EXO1: variants seen among roughly 807,000 people sequenced by gnomAD.
The protein encoded by EXO1 is exonuclease 1.
A neutral mutation model predicts 84.5 loss-of-function variants in EXO1; 69 were observed. The observed-to-expected ratio is 0.82, with a 90% CI of 0.67 to 1.00. EXO1 has a LOEUF of 1.00. Ranked by LOEUF, EXO1 falls within the 50% of genes least tolerant of loss-of-function variation. The pLI, the probability that EXO1 is intolerant of heterozygous loss-of-function variation, is 0.00. For synonymous variants in EXO1, 373 were observed against 366.1 expected (o/e 1.02, Z -0.21); for missense variants, 1,045 against 1,000.7 (o/e 1.04, Z -0.60).
intron 12 of EXO1, among the ~76,000 whole-genome samples, chr1:241,877,723 T>TG (rs1662477152): frequency 6.7e-6 from 1 of 150,358 alleles, no homozygotes; most frequent in South Asian, 2.1e-4. Flanking sequence ...TCATTGGAAT[T>TG]TTTTTTTAAA....
At chr1:241,860,830 A>G (rs1218548674) in intron 9 of EXO1, 126 bp downstream of exon 9, 1 of 768,202 alleles carries the variant, frequency 1.3e-6, no homozygotes, top group Non-Finnish European at 2.2e-6. Context: ...TTATAGTGAA[A>G]TCTGTATATT....
intron 14 of EXO1, among the ~76,000 whole-genome samples, chr1:241,884,142 CTG>C (rs1175547185): frequency 1.3e-5 from 2 of 152,132 alleles, no homozygotes; most frequent in African/African-American, 2.4e-5. Context: ...TTCTTGATAA[CTG>C]TCAGTTTGAT....
chr1:241,878,748 G>C lies in EXO1; in HGVS notation c.1515-1G>C. 1 of 1,599,492 alleles carries C rather than the reference G, an allele frequency of 6.3e-7. No individual in the cohort carries two copies. The highest frequency in any genetic ancestry group is 2.2e-5 in the East Asian group (1 of 44,534). ...ATTGTTTCTATTGCTTTTTTTATTA[G>C]GTTTTTTTGCAGTTCAGATTCTACT... On this transcript the variant is annotated splice_acceptor_variant, in intron 12 of 15. Transcript: ENST00000366548. LOFTEE classifies it high-confidence loss of function.
chr1:241,864,671 T>G (rs950250752), intron 10 of EXO1, among the ~76,000 whole-genome samples: 1 of 152,202 alleles, frequency 6.6e-6, no homozygotes, highest in Non-Finnish European at 1.5e-5. Flanking sequence ...CTCTTTGATA[T>G]TCTCTTCTGC....
intron 10 of EXO1, among the ~76,000 whole-genome samples, chr1:241,862,343 T>A (rs1661447343): frequency 6.6e-6 from 1 of 152,232 alleles, no homozygotes; most frequent in South Asian, 2.1e-4. Flanking sequence ...CTCTGTTCTC[T>A]TTTCTGTTTA....
Position 241,878,787 on chromosome 1 carries a change from A to G in EXO1, c.1553A>G (p.Asn518Ser), listed in dbSNP as rs1381535877. ...TCAGATTCTACTGACTGTGTATCAA[A>G]CAAAGTGAGCATCCAGCCTCTGGAT... ...CSSDSTDCVS[N>S]KVSIQPLDET... The change falls in exon 13 of 16, where the codon AAC becomes AGC. Residue 518 changes from asparagine to serine, a missense_variant. By Grantham distance (46) the Asn-to-Ser change is conservative. Transcript: ENST00000366548. 1 of 1,613,934 alleles carries G rather than the reference A, an allele frequency of 6.2e-7. No individual in the cohort carries two copies. Among genetic ancestry groups the G allele is most frequent in the Middle Eastern group, 1.6e-4 (1 of 6,062 alleles).
chr1:241,865,288 T>C (rs1661651354), intron 10 of EXO1, among the ~76,000 whole-genome samples: 1 of 151,258 alleles, frequency 6.6e-6, no homozygotes, highest in African/African-American at 2.4e-5. Flanking sequence ...TTTAGCTCAC[T>C]GCAACGTCTG....
At chr1:241,886,715 A>G (rs1352932247) in intron 15 of EXO1, among the ~76,000 whole-genome samples, 2 of 152,218 alleles carry the variant, frequency 1.3e-5, no homozygotes, top group Non-Finnish European at 2.9e-5. Context: ...AGAAATTGAA[A>G]TAGACATTTT....
chr1:241,868,752 T>G (rs1574159357), intron 11 of EXO1, among the ~76,000 whole-genome samples: 1 of 152,240 alleles, frequency 6.6e-6, no homozygotes. Context: ...ATACTGAGTT[T>G]TCTGATTCAT....
chr1:241,867,471 A>T (rs1661815860), intron 11 of EXO1, among the ~76,000 whole-genome samples: 1 of 152,196 alleles, frequency 6.6e-6, no homozygotes, highest in Admixed American at 6.5e-5. Flanking sequence ...ACACATAGGA[A>T]TTATGGGAGA....
intron 12 of EXO1, among the ~76,000 whole-genome samples, chr1:241,872,598 TGTG>T (rs565837875): frequency 2.2e-4 from 33 of 152,170 alleles, no homozygotes; most frequent in African/African-American, 6.3e-4. Context: ...AGCGAGAACA[TGTG>T]GTGTTTGGTT....
At chr1:241,861,998 G>A (rs764433867) in intron 10 of EXO1, among the ~76,000 whole-genome samples, 54 of 152,220 alleles carry the variant, frequency 3.5e-4, no homozygotes, top group Middle Eastern at 3.4e-3. Context: ...GAGTGCAATG[G>A]TGCGATCTCA....
chr1:241,850,279 CAA>C (rs375640251), intron 3 of EXO1, 128 bp from the exon 4 acceptor site: 517 of 515,584 alleles, frequency 1.0e-3, no homozygotes, highest in Middle Eastern at 2.0e-3. Context: ...GACTCCGTCT[CAA>C]AAAAAAAAAA....
Position 241,858,736 on chromosome 1 carries a change from A to G in EXO1, c.756+18A>G, listed in dbSNP as rs1345565980. 2 of 1,472,584 alleles carry G rather than the reference A, an allele frequency of 1.4e-6. No homozygotes were observed. The highest frequency in any genetic ancestry group is 3.3e-5 in the Admixed American group (2 of 59,834). 91.2% of individuals were successfully genotyped at this position (1,472,584 alleles called of 1,614,324 possible). A position where few individuals can be genotyped will look rare whatever the true frequency, so the allele number is the denominator to read the frequency against. Reference sequence around the variant, plus strand: ...TAGTAAAGGTAAGAGTGATTTGCTAAGTGTCATATTCAATTTCTGAAGCAT... The same window carrying G: ...TAGTAAAGGTAAGAGTGATTTGCTAGGTGTCATATTCAATTTCTGAAGCAT... On this transcript the variant is annotated intron_variant, in intron 8 of 15. Coordinates refer to ENST00000366548, the MANE Select transcript of EXO1 (RefSeq NM_130398.4).
In EXO1 at chr1:241,879,250, T is replaced by C. The variant is rs746778499; in HGVS notation, c.2016T>C (p.Cys672=). Residue 672 remains cysteine (C), a synonymous_variant, in exon 13 of 16, where the codon TGT becomes TGC. Coordinates refer to ENST00000366548, the MANE Select transcript of EXO1 (RefSeq NM_130398.4). Reference sequence around the variant, plus strand: ...CTCATCCCTTACGAGAAGAGGCATGTTCTTCACAGTCCCAGGAAAGTGGAG... The same window carrying C: ...CTCATCCCTTACGAGAAGAGGCATGCTCTTCACAGTCCCAGGAAAGTGGAG... ...DESHPLREEA[C]SSQSQESGEF... is the part of the protein sequence containing the mutation. 6.2e-7 allele frequency: 1 copy of C among 1,600,772 alleles called. No homozygotes were observed. Among genetic ancestry groups the C allele is most frequent in the Non-Finnish European group, 8.5e-7 (1 of 1,174,886 alleles).
intron 3 of EXO1, 92 bp from the exon 4 acceptor site, chr1:241,850,317 G>C: frequency 2.2e-6 from 2 of 896,986 alleles, no homozygotes; most frequent in Non-Finnish European, 3.5e-6. Flanking sequence ...TTCTGCATTG[G>C]ACTCCAAGCT....
chr1:241,874,732 A>G (rs370036143), intron 12 of EXO1, among the ~76,000 whole-genome samples: 1 of 152,254 alleles, frequency 6.6e-6, no homozygotes, highest in Non-Finnish European at 1.5e-5. Flanking sequence ...ACTAACAATT[A>G]TAACAGCCTT....
Position 241,861,475 on chromosome 1 carries a change from C to A in EXO1, c.1014C>A (p.Ile338=). The A allele has an allele frequency of 6.3e-7, 1 of 1,588,456 alleles. No homozygotes were observed. The highest frequency in any genetic ancestry group is 8.6e-7 in the Non-Finnish European group (1 of 1,156,622). The part of the protein sequence containing the change: ...GNKDINTFEQ[I]DDYNPDTAMP... ...AAGATATAAATACTTTTGAACAGATCGATGACTACAATCCAGACACTGCTA... is the reference window on the plus strand; with the variant it reads ...AAGATATAAATACTTTTGAACAGATAGATGACTACAATCCAGACACTGCTA... Residue 338 remains isoleucine (I), a synonymous_variant, in exon 10 of 16, where the codon ATC becomes ATA. Coordinates refer to ENST00000366548, the MANE Select transcript of EXO1 (RefSeq NM_130398.4).
chr1:241,885,790 T>G (rs775225350), intron 15 of EXO1, among the ~76,000 whole-genome samples: 54 of 152,260 alleles, frequency 3.5e-4, no homozygotes, highest in Non-Finnish European at 6.2e-4. Context: ...TCTCCTGCCT[T>G]CCTTTTCTTA....
Sources: gnomAD v4.1 joint callset for allele counts (sites outside exome capture counted in the v4.1 genomes callset) on GRCh38, gnomAD v4.1.1 for gene constraint, MANE v1.5 for transcripts, NCBI Gene and HGNC (gene_info 2026-07-23, HGNC 2026-07-21) for gene names.